Variants in RUFY1 observed in about 807,000 individuals in gnomAD.
RUFY1 encodes the protein RUN and FYVE domain containing 1.
Under a neutral mutation model 94.6 loss-of-function variants are expected in RUFY1, and 54 were observed. The observed-to-expected ratio is 0.57, with a 90% CI of 0.46 to 0.72. RUFY1 has a LOEUF of 0.72. Among genes scored for constraint, RUFY1 ranks in the 30% least tolerant of loss-of-function variants. RUFY1 has a pLI of 0.00. For synonymous variants in RUFY1, 396 were observed against 347.3 expected, an observed-to-expected ratio of 1.14 and a Z score of -1.56; for missense variants, 883 against 883.9, an observed-to-expected ratio of 1.00 and a Z score of 0.01.
At chr5:179,559,482 G>A (rs1762275090) in intron 1 of RUFY1, among the ~76,000 whole-genome samples, 1 of 152,212 alleles carries the variant, frequency 6.6e-6, no homozygotes, top group African/African-American at 2.4e-5. Context: ...GCACTATCCG[G>A]CAAGAGAGAA....
chr5:179,567,613 C>A (rs1161234612), intron 4 of RUFY1, 51 bp downstream of exon 4: 4 of 1,372,316 alleles, frequency 2.9e-6, no homozygotes, highest in African/African-American at 1.4e-5. Flanking sequence ...ATAATTAGAA[C>A]ATAGGCTGGG....
chr5:179,575,256 G>C (rs1201847484), intron 5 of RUFY1, among the ~76,000 whole-genome samples: 1 of 152,082 alleles, frequency 6.6e-6, no homozygotes, highest in Non-Finnish European at 1.5e-5. Flanking sequence ...GGCTAACTGG[G>C]TTCAGCTAGT....
At chr5:179,574,025 T>C (rs1356973948) in intron 5 of RUFY1, among the ~76,000 whole-genome samples, 1 of 152,138 alleles carries the variant, frequency 6.6e-6, no homozygotes, top group African/African-American at 2.4e-5. Flanking sequence ...GTTTGGAATT[T>C]TTGTGTCTCT....
chr5:179,553,324 T>C (rs1419525631), intron 1 of RUFY1, among the ~76,000 whole-genome samples: 1 of 152,228 alleles, frequency 6.6e-6, no homozygotes, highest in Non-Finnish European at 1.5e-5. Context: ...AGGGGGAGTC[T>C]GACTTCTGTG....
intron 15 of RUFY1, among the ~76,000 whole-genome samples, chr5:179,605,354 C>T (rs56370020): frequency 0.24 from 36,294 of 151,828 alleles, 5,459 homozygotes; most frequent in Non-Finnish European, 0.35. Context: ...TTAGTTCTGC[C>T]AATTTAGACC....
At chr5:179,580,917 A>C in intron 6 of RUFY1, 30 bp from the exon 7 acceptor site, 1 of 1,334,078 alleles carries the variant, frequency 7.5e-7, no homozygotes, top group Non-Finnish European at 1.1e-6. Flanking sequence ...AATAAAAAAA[A>C]GTTCTTCCTT....
chr5:179,595,250 C>T (rs938149027), intron 12 of RUFY1, among the ~76,000 whole-genome samples: 18 of 152,112 alleles, frequency 1.2e-4, no homozygotes, highest in Non-Finnish European at 2.4e-4. Context: ...GAGGCCGAGG[C>T]GGGCGGATCA....
chr5:179,594,927 A>C lies in RUFY1; in HGVS notation c.1475A>C (p.Asn492Thr). Residue 492 changes from asparagine (N) to threonine (T), a missense_variant, in exon 12 of 18, where the codon AAC (asparagine) becomes ACC (threonine). Asn to Thr is a moderately conservative substitution (Grantham distance 65). Transcript: ENST00000319449. ...EAITSFEGKT[N>T]QVMSSMKQME... is the part of the protein sequence containing the mutation. Reference sequence around the variant, plus strand: ...ATCACATCCTTTGAAGGAAAAACCAACCAAGTTATGTCCAGCATGAAACAA... The same window carrying C: ...ATCACATCCTTTGAAGGAAAAACCACCCAAGTTATGTCCAGCATGAAACAA... 2 of 1,613,326 alleles carry C rather than the reference A, an allele frequency of 1.2e-6. No individual in the cohort carries two copies. The highest frequency in any genetic ancestry group is 1.7e-5 in the Admixed American group (1 of 59,992).
intron 1 of RUFY1, among the ~76,000 whole-genome samples, chr5:179,556,010 T>C (rs77107731): frequency 0.021 from 3,255 of 152,000 alleles, 134 homozygotes; most frequent in African/African-American, 0.073. Flanking sequence ...AAACTTAACT[T>C]TTAAAGTTAA....
intron 6 of RUFY1, among the ~76,000 whole-genome samples, chr5:179,579,069 G>A (rs1358133841): frequency 6.6e-6 from 1 of 152,202 alleles, no homozygotes; most frequent in East Asian, 1.9e-4. Flanking sequence ...AGTCATGGGA[G>A]GGGGTTTTCA....
Position 179,557,738 on chromosome 5 carries a change from G to A in RUFY1, c.311-2287G>A, listed in dbSNP as rs1009497009. Among the ~76,000 whole-genome samples the A allele has an allele frequency of 3.9e-5, 6 of 152,202 alleles. No homozygotes were observed. The East Asian group carries it at 1.2e-3, about 29-fold the overall frequency. On this transcript the variant is annotated intron_variant, in intron 1 of 17. Coordinates refer to ENST00000319449, the MANE Select transcript of RUFY1 (RefSeq NM_025158.5). ...ACATAATTACATAGATTTGTAGGGA[G>A]AAAAATTTAATTTTCTAAATTTAGG... is the stretch of plus-strand genomic sequence containing the variant.
At chr5:179,553,736 G>C (rs182054609) in intron 1 of RUFY1, among the ~76,000 whole-genome samples, 1 of 152,294 alleles carries the variant, frequency 6.6e-6, no homozygotes, top group East Asian at 1.9e-4. Context: ...TTTGCAGTGA[G>C]CCGAGACCAT....
chr5:179,593,321 G>A (rs1049937264), intron 10 of RUFY1, among the ~76,000 whole-genome samples, 157 bp from the exon 11 acceptor site: 35 of 151,662 alleles, frequency 2.3e-4, no homozygotes, highest in African/African-American at 8.2e-4. Context: ...CAAGTGATCC[G>A]CCCACCTCAG....
intron 12 of RUFY1, among the ~76,000 whole-genome samples, chr5:179,595,293 A>C (rs1765511601): frequency 6.6e-6 from 1 of 152,034 alleles, no homozygotes; most frequent in Non-Finnish European, 1.5e-5. Context: ...TCCCGGCTAA[A>C]ACGGTGAAAC....
At chr5:179,572,908 G>A (rs763276327) in intron 5 of RUFY1, among the ~76,000 whole-genome samples, 1 of 152,110 alleles carries the variant, frequency 6.6e-6, no homozygotes, top group Admixed American at 6.6e-5. Flanking sequence ...TGTAAAAAAT[G>A]TGTAAATTTT....
intron 2 of RUFY1, among the ~76,000 whole-genome samples, chr5:179,561,700 T>TTTTTTTTTTTTTTTTTTTTTTTTTG (rs764059834): frequency 1.0e-5 from 1 of 95,540 alleles, no homozygotes; most frequent in Non-Finnish European, 2.1e-5. Context: ...TTTTTTTTTT[T>TTTTTTTTTTTTTTTTTTTTTTTTTG]TTTGAAGAGT....
chr5:179,559,984 C>G (rs369936995), intron 1 of RUFY1, 41 bp from the exon 2 acceptor site: 28 of 1,592,196 alleles, frequency 1.8e-5, no homozygotes, highest in Non-Finnish European at 2.3e-5. Flanking sequence ...CCTCCCCACG[C>G]TCAGTCCACT....
intron 2 of RUFY1, among the ~76,000 whole-genome samples, chr5:179,561,584 C>CA (rs903694717): frequency 1.1e-3 from 98 of 92,910 alleles, no homozygotes; most frequent in South Asian, 5.6e-3. Context: ...CTGAAAAAAA[C>CA]AAAAAAAAAT....
chr5:179,608,651 G>A (rs1767363343), intron 17 of RUFY1: 4 of 985,240 alleles, frequency 4.1e-6, no homozygotes, highest in Non-Finnish European at 3.6e-6. Flanking sequence ...CCTTAGGCCG[G>A]GCACGGTGGC....
Sources: allele counts gnomAD v4.1 joint callset (sites outside exome capture counted in the v4.1 genomes callset), GRCh38; gene constraint gnomAD v4.1.1; transcripts MANE v1.5; gene names NCBI Gene and HGNC (gene_info 2026-07-23, HGNC 2026-07-21).